RIN2: variants seen among roughly 807,000 people sequenced by gnomAD.
The protein encoded by RIN2 is Ras and Rab interactor 2.
A neutral mutation model predicts 78.0 loss-of-function variants in RIN2; 36 were observed. The ratio of observed to expected loss-of-function variants is 0.46; its 90% confidence interval spans 0.35 to 0.61. The LOEUF is 0.61. Ranked by LOEUF, RIN2 falls within the 20% of genes least tolerant of loss-of-function variation. RIN2 has a pLI of 0.00. For synonymous variants in RIN2, 466 were observed against 466.8 expected (o/e 1.00, Z 0.02); for missense variants, 1,087 against 1,159.7 (o/e 0.94, Z 0.91).
At chr20:19,768,137 G>T (rs189423453) in intron 1 of RIN2, among the ~76,000 whole-genome samples, 153 of 152,216 alleles carry the variant, frequency 1.0e-3, no homozygotes, top group African/African-American at 3.5e-3. Context: ...ACCAGGTTCT[G>T]CCTGGTCTCT....
chr20:19,924,476 C>CCACCTTCATACCCCCACCTTCATACCCT (rs2040117609), intron 3 of RIN2, among the ~76,000 whole-genome samples: 1 of 40,672 alleles, frequency 2.5e-5, no homozygotes, highest in Non-Finnish European at 5.9e-5. Context: ...CTTCATACCC[C>CCACCTTCATACCCCCACCTTCATACCCT]CACCTTCATA....
intron 1 of RIN2, among the ~76,000 whole-genome samples, chr20:19,785,898 C>T (rs1346081688): frequency 6.6e-6 from 1 of 152,124 alleles, no homozygotes; most frequent in Non-Finnish European, 1.5e-5. Flanking sequence ...TTATATTCAT[C>T]ATTAAAGTTG....
intron 6 of RIN2, among the ~76,000 whole-genome samples, chr20:19,961,141 G>A (rs1225676725): frequency 1.3e-5 from 2 of 152,230 alleles, no homozygotes; most frequent in Non-Finnish European, 2.9e-5. Flanking sequence ...AGGTTTGCCA[G>A]TGACTAAGTT....
intron 1 of RIN2, among the ~76,000 whole-genome samples, chr20:19,769,127 G>A: frequency 6.6e-6 from 1 of 152,036 alleles, no homozygotes; most frequent in Non-Finnish European, 1.5e-5. Flanking sequence ...TCACCATGTT[G>A]GCCAGGCTGG....
In RIN2 at chr20:19,823,936, G is replaced by A. The variant is rs899255015; in HGVS notation, c.-37+24189G>A. The A allele has an allele frequency of 1.2e-5, 18 of 1,543,126 alleles. No homozygotes were observed. In the Admixed American group the frequency reaches 1.2e-4, roughly 11 times the overall value. ...TTTGATCTCGTTCGGGTCGAACTTCGGCAGCATGGTGGAGGCAGCTGGTGT... is the reference window on the plus strand; with the variant it reads ...TTTGATCTCGTTCGGGTCGAACTTCAGCAGCATGGTGGAGGCAGCTGGTGT... On this transcript the variant is annotated intron_variant, in intron 2 of 12. Coordinates refer to ENST00000255006, the MANE Select transcript of RIN2 (RefSeq NM_018993.4).
intron 1 of RIN2, among the ~76,000 whole-genome samples, chr20:19,786,194 C>A (rs2034672503): frequency 6.6e-6 from 1 of 152,174 alleles, no homozygotes; most frequent in Non-Finnish European, 1.5e-5. Context: ...GGGTTTGTGT[C>A]TCACTTGTAC....
chr20:19,810,071 G>A (rs1389860997), intron 2 of RIN2, among the ~76,000 whole-genome samples: 1 of 152,046 alleles, frequency 6.6e-6, no homozygotes, highest in Non-Finnish European at 1.5e-5. Context: ...TTGGCTCCTA[G>A]GGCTCCACCA....
chr20:19,978,050 A>T (rs2042335615), intron 9 of RIN2, among the ~76,000 whole-genome samples: 1 of 152,122 alleles, frequency 6.6e-6, no homozygotes, highest in Non-Finnish European at 1.5e-5. Flanking sequence ...AACTATTAGA[A>T]AGCCAGTCCC....
At chr20:19,903,407 C>T (rs1352494880) in intron 3 of RIN2, among the ~76,000 whole-genome samples, 2 of 152,146 alleles carry the variant, frequency 1.3e-5, no homozygotes, top group Non-Finnish European at 2.9e-5. Flanking sequence ...TTGGTGTTTA[C>T]ATTGTGTCTG....
intron 2 of RIN2, among the ~76,000 whole-genome samples, chr20:19,861,664 A>T (rs894569784): frequency 6.8e-6 from 1 of 146,964 alleles, no homozygotes; most frequent in East Asian, 2.1e-4. Context: ...ATCACTCTCC[A>T]TATCTGATGA....
chr20:19,935,902 C>T (rs145145216), intron 4 of RIN2, among the ~76,000 whole-genome samples: 12 of 152,204 alleles, frequency 7.9e-5, no homozygotes, highest in Admixed American at 2.0e-4. Flanking sequence ...ACAGACACTT[C>T]GTGCCTTAGA....
rs773548506 is a variant in RIN2 at position 19,974,884 on chromosome 20, G to C, written c.859G>C (p.Gly287Arg). The change falls in exon 9 of 13, where the codon GGC (glycine) becomes CGC (arginine). Residue 287 changes from glycine to arginine, a missense_variant. By Grantham distance (125) the Gly-to-Arg change is moderately radical. This residue lies in a region of RIN2 where 706 missense variants were observed against 667.5 expected (regional missense o/e 1.06). Transcript: ENST00000255006. Reference protein sequence around the residue: ...LKVHSQDLSGGLKRPSTRTPN... With the variant: ...LKVHSQDLSGRLKRPSTRTPN... ...AGTGCACAGCCAGGACCTCAGTGGA[G>C]GCCTGAAACGGCCGAGCACAAGGAC... is the stretch of plus-strand genomic sequence containing the variant. 1.2e-6 allele frequency: 2 copies of C among 1,614,014 alleles called. No homozygotes were observed. Among genetic ancestry groups the C allele is most frequent in the Non-Finnish European group, 1.7e-6 (2 of 1,179,894 alleles).
intron 1 of RIN2, among the ~76,000 whole-genome samples, chr20:19,779,775 A>C (rs1440377162): frequency 6.6e-6 from 1 of 152,234 alleles, no homozygotes; most frequent in Non-Finnish European, 1.5e-5. Flanking sequence ...TTTCAAAAGT[A>C]TACCATGTAT....
chr20:19,968,113 G>A (rs1317645366), intron 7 of RIN2, among the ~76,000 whole-genome samples: 2 of 152,126 alleles, frequency 1.3e-5, no homozygotes, highest in African/African-American at 2.4e-5. Flanking sequence ...TTAGCTCTGC[G>A]AAGGTGTGCT....
At chr20:19,949,611 T>C (rs1239448035) in intron 4 of RIN2, among the ~76,000 whole-genome samples, 3 of 152,248 alleles carry the variant, frequency 2.0e-5, no homozygotes, top group Non-Finnish European at 4.4e-5. Flanking sequence ...GCATCACATT[T>C]CTGTGTATTT....
intron 3 of RIN2, among the ~76,000 whole-genome samples, chr20:19,915,222 A>G (rs887516532): frequency 2.6e-5 from 4 of 152,144 alleles, no homozygotes; most frequent in Admixed American, 1.3e-4. Context: ...TAGGGGAGTG[A>G]GACAGGAAGG....
chr20:19,910,769 T>C (rs2039430232), intron 3 of RIN2, among the ~76,000 whole-genome samples: 1 of 151,950 alleles, frequency 6.6e-6, no homozygotes, highest in Non-Finnish European at 1.5e-5. Context: ...AGTTTCTCCA[T>C]GTTGGCCAGG....
chr20:19,789,599 C>T (rs1568753819), intron 1 of RIN2, among the ~76,000 whole-genome samples: 1 of 152,174 alleles, frequency 6.6e-6, no homozygotes, highest in East Asian at 1.9e-4. Context: ...CTATTTGTAG[C>T]TTTAGCTGCC....
At chr20:19,924,373 CCCTCACCTTCGTA>C (rs2040097724) in intron 3 of RIN2, among the ~76,000 whole-genome samples, 5 of 24,652 alleles carry the variant, frequency 2.0e-4, no homozygotes, top group African/African-American at 8.9e-4. Flanking sequence ...CACCTTCATA[CCCTCACCTTCGTA>C]CCCCACCTCT....
Sources: allele counts gnomAD v4.1 joint callset (sites outside exome capture counted in the v4.1 genomes callset), GRCh38; gene constraint gnomAD v4.1.1; regional missense constraint gnomAD v4.1.1; transcripts MANE v1.5; gene names NCBI Gene and HGNC (gene_info 2026-07-23, HGNC 2026-07-21).